Variants in PDE1C observed in about 807,000 individuals in gnomAD.
PDE1C encodes dual specificity calcium/calmodulin-dependent 3',5'-cyclic nucleotide phosphodiesterase 1C.
Under a neutral mutation model 93.1 loss-of-function variants are expected in PDE1C, and 62 were observed. That is an observed-to-expected ratio of 0.67 (90% CI 0.54 to 0.82). The LOEUF (loss-of-function observed/expected upper bound fraction) is 0.82. Ranked by LOEUF, PDE1C falls within the 40% of genes least tolerant of loss-of-function variation. The pLI is 0.00. For missense variants in PDE1C, 742 were observed against 884.6 expected (o/e 0.84, Z 2.04); for synonymous variants, 325 against 310.1 (o/e 1.05, Z -0.50).
At position 32,335,887 on chromosome 7, in the gene PDE1C, C is replaced by G. The variant is rs375136484; in HGVS notation, c.310+91935G>C. Among the ~76,000 whole-genome samples, 81 of 152,194 alleles carry G rather than the reference C, an allele frequency of 5.3e-4. 4 individuals carry two copies. In the South Asian group the frequency reaches 0.016, roughly 30 times the overall value. Reference sequence around the variant, plus strand: ...GGGTCCATAGGCATGCACCACTACACTCAGCTAATTTTTAAAATTTTTTGT... The same window carrying G: ...GGGTCCATAGGCATGCACCACTACAGTCAGCTAATTTTTAAAATTTTTTGT... On this transcript the variant is annotated intron_variant, in intron 1 of 1. Coordinates refer to the PDE1C transcript ENST00000672256.
intron 2 of PDE1C, among the ~76,000 whole-genome samples, chr7:32,000,358 T>C (rs553031824): frequency 6.6e-6 from 1 of 152,274 alleles, no homozygotes; most frequent in Admixed American, 6.5e-5. Context: ...CACTGCTATA[T>C]TCCTGATGCT....
chr7:32,151,994 C>T (rs193242564), intron 3 of PDE1C, among the ~76,000 whole-genome samples: 35 of 152,264 alleles, frequency 2.3e-4, no homozygotes, highest in Non-Finnish European at 4.9e-4. Flanking sequence ...TAAACAAATG[C>T]TACTTCACTA....
chr7:31,694,935 G>A, the PDE1C span, among the ~76,000 whole-genome samples: 10 of 152,296 alleles, frequency 6.6e-5, no homozygotes, highest in African/African-American at 1.7e-4. Flanking sequence ...ACAAAGCCAG[G>A]AACGGTGAAA....
rs180853967 is a variant in PDE1C, at chr7:31,885,498, T to G, written c.129-4638A>C. 3.5e-3 allele frequency among the ~76,000 whole-genome samples: 540 copies of G among 152,334 alleles called. 4 individuals carry two copies. The highest frequency in any genetic ancestry group is 0.012 in the African/African-American group (519 of 41,568). ...GTTTGCTTTCTGTATGCTTCTTACCTGCAAGGCATATGATGAGATACTGAA... is the reference window on the plus strand; with the variant it reads ...GTTTGCTTTCTGTATGCTTCTTACCGGCAAGGCATATGATGAGATACTGAA... On this transcript the variant is annotated intron_variant, in intron 2 of 17. Transcript: ENST00000396191.
rs950159149 is a variant in PDE1C, at chr7:31,990,440, T to C, written c.128+61114A>G. Reference sequence around the variant, plus strand: ...TGTGAGTCCATTAAACCTCTTTTTCTTTATAAATTACCCAGTTTTGGGTAT... The same window carrying C: ...TGTGAGTCCATTAAACCTCTTTTTCCTTATAAATTACCCAGTTTTGGGTAT... On this transcript the variant is annotated intron_variant, in intron 2 of 17. Coordinates refer to ENST00000396191, the MANE Select transcript of PDE1C (RefSeq NM_001191057.4). Among the ~76,000 whole-genome samples the C allele has an allele frequency of 2.0e-5, 3 of 152,192 alleles. No homozygotes were observed. The East Asian group carries it at 5.8e-4, about 29-fold the overall frequency.
At chr7:32,056,368 AACACACACACACAC>A (rs375602478) in intron 1 of PDE1C, among the ~76,000 whole-genome samples, 6 of 119,186 alleles carry the variant, frequency 5.0e-5, no homozygotes, top group Non-Finnish European at 8.8e-5. Flanking sequence ...CTCTCACTGA[AACACACACACACAC>A]ACACACACAC....
chr7:32,112,301 C>T (rs1798684725), intron 3 of PDE1C, among the ~76,000 whole-genome samples: 1 of 151,960 alleles, frequency 6.6e-6, no homozygotes, highest in Admixed American at 6.6e-5. Context: ...CCTCCTCCTT[C>T]TCCTCTTCTT....
At position 31,872,929 on chromosome 7, in the gene PDE1C, T is replaced by A. The variant is rs573155530; in HGVS notation, c.609+363A>T. Among the ~76,000 whole-genome samples the A allele has an allele frequency of 3.9e-5, 6 of 152,250 alleles. No individual in the cohort carries two copies. The East Asian group carries it at 1.2e-3, about 29-fold the overall frequency. On this transcript the variant is annotated intron_variant, in intron 6 of 17. Transcript: ENST00000396191. ...ACAGAGACAGCAGATGTTCACTCTG[T>A]CTCCACTACTGCCCCTCTGACAGCG...
intron 3 of PDE1C, among the ~76,000 whole-genome samples, chr7:32,142,210 T>C (rs1209496231): frequency 6.7e-6 from 1 of 149,232 alleles, no homozygotes; most frequent in Non-Finnish European, 1.5e-5. Flanking sequence ...GAGGAGGAAA[T>C]AGAGGAGAAG....
chr7:32,370,310 G>A (rs1404818767), intron 1 of PDE1C, among the ~76,000 whole-genome samples: 4 of 152,012 alleles, frequency 2.6e-5, no homozygotes, highest in African/African-American at 9.7e-5. Context: ...TTAGCTGGGC[G>A]TGGTGGCGGG....
intron 1 of PDE1C, among the ~76,000 whole-genome samples, chr7:32,318,325 T>G (rs938442631): frequency 2.6e-5 from 4 of 152,176 alleles, no homozygotes; most frequent in Admixed American, 1.3e-4. Flanking sequence ...GGCCTCACCA[T>G]GTTTCGAGGG....
chr7:31,995,447 TTTC>T, intron 2 of PDE1C, among the ~76,000 whole-genome samples: 1 of 152,310 alleles, frequency 6.6e-6, no homozygotes, highest in African/African-American at 2.4e-5. Flanking sequence ...GCAGAGAATA[TTTC>T]TTCAACATTT....
intron 1 of PDE1C, among the ~76,000 whole-genome samples, chr7:32,312,337 A>T (rs571392488): frequency 6.6e-6 from 1 of 151,906 alleles, no homozygotes; most frequent in African/African-American, 2.4e-5. Context: ...TGCCCAAGGT[A>T]ATTTATAGAT....
Position 31,837,167 on chromosome 7 carries a change from A to G in PDE1C, c.1203+13T>C. On this transcript the variant is annotated intron_variant, in intron 11 of 17. Transcript: ENST00000396191. ...ATGATGACAGTCCTGATGGAGAGAG[A>G]GCAACAAGGTACCTGTCTGAAGAAC... is the stretch of plus-strand genomic sequence containing the variant. 1 of 1,611,094 alleles carries G rather than the reference A, an allele frequency of 6.2e-7. No individual in the cohort carries two copies. Among genetic ancestry groups the G allele is most frequent in the Non-Finnish European group, 8.5e-7 (1 of 1,178,490 alleles).
intron 1 of PDE1C, among the ~76,000 whole-genome samples, chr7:32,386,860 A>G (rs552467845): frequency 2.1e-4 from 32 of 152,160 alleles, no homozygotes; most frequent in Non-Finnish European, 4.0e-4. Flanking sequence ...GCAGTGTCTA[A>G]GAGGACTCAT....
intron 1 of PDE1C, among the ~76,000 whole-genome samples, chr7:32,237,244 G>A (rs184781929): frequency 3.9e-4 from 59 of 151,404 alleles, no homozygotes; most frequent in Non-Finnish European, 4.9e-4. Flanking sequence ...CTACCACCAC[G>A]CCCGGCTAAT....
chr7:32,202,573 G>A (rs570339365), intron 2 of PDE1C, among the ~76,000 whole-genome samples: 5 of 152,220 alleles, frequency 3.3e-5, no homozygotes, highest in African/African-American at 9.6e-5. Flanking sequence ...CAAGCTGATC[G>A]GCTTGCCTGA....
chr7:32,207,370 A>C (rs112195014), intron 2 of PDE1C, among the ~76,000 whole-genome samples: 38 of 151,638 alleles, frequency 2.5e-4, no homozygotes, highest in African/African-American at 8.8e-4. Flanking sequence ...AAAAAAAAAA[A>C]AACTTATCAT....
chr7:32,140,448 T>A (rs114140665), intron 3 of PDE1C, among the ~76,000 whole-genome samples: 1 of 152,356 alleles, frequency 6.6e-6, no homozygotes, highest in African/African-American at 2.4e-5. Flanking sequence ...ATCTGTGGAT[T>A]CTCACGTGTA....
Sources: allele counts gnomAD v4.1 joint callset (sites outside exome capture counted in the v4.1 genomes callset), GRCh38; gene constraint gnomAD v4.1.1; transcripts MANE v1.5; gene names NCBI Gene and HGNC (gene_info 2026-07-23, HGNC 2026-07-21).